Variants in MCF2 observed in about 807,000 individuals in gnomAD.
MCF2 encodes MCF.2 cell line derived transforming sequence, also known as proto-oncogene DBL.
Under a neutral mutation model 82.5 loss-of-function variants are expected in MCF2, and 44 were observed. That is an observed-to-expected ratio of 0.53 (90% CI 0.42 to 0.69). The LOEUF is 0.69. Among genes scored for constraint, MCF2 ranks in the 30% least tolerant of loss-of-function variants. The pLI is 0.00. For synonymous variants in MCF2, 217 were observed against 224.9 expected (o/e 0.96, Z 0.32); for missense variants, 623 against 663.1 (o/e 0.94, Z 0.66).
At chrX:139,613,626 CAAG>C (rs1301204812) in intron 10 of MCF2, among the ~76,000 whole-genome samples, 1 of 111,362 alleles carries the variant, frequency 9.0e-6, no homozygotes, top group African/African-American at 3.3e-5. Flanking sequence ...GTGAACTGTT[CAAG>C]GACACACAGC....
intron 11 of MCF2, 42 bp from the exon 16 acceptor site, chrX:139,607,821 G>T: frequency 1.1e-6 from 1 of 928,935 alleles, no homozygotes. Context: ...ACCTCTGTAG[G>T]TATAATTTTT....
chrX:139,666,025 A>G (rs1934510540), intron 1 of MCF2, among the ~76,000 whole-genome samples: 3 of 104,202 alleles, frequency 2.9e-5, no homozygotes, highest in Admixed American at 2.1e-4. Context: ...ATATTTTGAT[A>G]CAGGCATACA....
intron 15 of MCF2, among the ~76,000 whole-genome samples, chrX:139,603,272 C>T (rs1240601835): frequency 2.7e-5 from 3 of 112,508 alleles, no homozygotes; most frequent in Non-Finnish European, 5.6e-5. Flanking sequence ...CATCAATAAA[C>T]ATTTATTAAA....
intron 3 of MCF2, among the ~76,000 whole-genome samples, chrX:139,630,316 T>C (rs1182069814): frequency 9.0e-6 from 1 of 111,588 alleles, no homozygotes; most frequent in Non-Finnish European, 1.9e-5. Context: ...AAGGTGATAA[T>C]TGAAGGAAAC....
intron 23 of MCF2, among the ~76,000 whole-genome samples, chrX:139,585,679 G>A (rs1367142230): frequency 1.8e-5 from 2 of 111,493 alleles, no homozygotes; most frequent in African/African-American, 3.3e-5. Context: ...ACAGCACTTC[G>A]TACTTCCCTG....
intron 1 of MCF2, among the ~76,000 whole-genome samples, chrX:139,689,513 A>G (rs2148573929): frequency 9.1e-6 from 1 of 109,695 alleles, no homozygotes; most frequent in East Asian, 2.9e-4. Context: ...ACCACTCAAC[A>G]TGCCTTACGA....
In MCF2 at chrX:139,584,128, C is replaced by CTTTT. The variant is rs1163854425; in HGVS notation, c.2745+934_2745+937dup. On this transcript the variant is annotated intron_variant, in intron 24 of 24. Transcript: ENST00000370576. ...CTTTGTGATTATCCATGCCATTATC[C>CTTTT]TTTTTTTTTTTTTTTTTTTTTTTTG... 2.6e-3 allele frequency among the ~76,000 whole-genome samples: 188 copies of CTTTT among 72,602 alleles called. 3 individuals carry two copies. The highest frequency in any genetic ancestry group is 9.0e-3 in the African/African-American group (159 of 17,674). The allele number at this position is 72,602 out of a possible 115,157, so 63.0% of individuals were successfully genotyped here.
At chrX:139,590,001 T>C in intron 19 of MCF2, 74 bp from the exon 24 acceptor site, 2 of 606,840 alleles carry the variant, frequency 3.3e-6, no homozygotes, top group South Asian at 6.2e-5. Context: ...TACCCTATCA[T>C]ATTCTAAGTG....
intron 11 of MCF2, among the ~76,000 whole-genome samples, chrX:139,609,759 G>C (rs1161746558): frequency 9.0e-6 from 1 of 110,996 alleles, no homozygotes; most frequent in Non-Finnish European, 1.9e-5. Flanking sequence ...CCAGGAATTA[G>C]AGGCAGCAGT....
intron 2 of MCF2, among the ~76,000 whole-genome samples, chrX:139,631,828 G>C (rs958991473): frequency 9.0e-6 from 1 of 111,481 alleles, no homozygotes; most frequent in Non-Finnish European, 1.9e-5. Context: ...CAAAGAAAAG[G>C]ACTTTATGTA....
chrX:139,620,797 A>T (rs1461847798), intron 6 of MCF2, among the ~76,000 whole-genome samples: 2 of 111,795 alleles, frequency 1.8e-5, no homozygotes, highest in Non-Finnish European at 3.8e-5. Context: ...TGTCCAAAAT[A>T]ATCTGCCAAT....
chrX:139,690,441 G>C (rs1246706315), intron 1 of MCF2, among the ~76,000 whole-genome samples: 5 of 102,117 alleles, frequency 4.9e-5, no homozygotes, highest in African/African-American at 1.8e-4. Context: ...GTTTCAGCAA[G>C]ATTTTTTTTT....
At chrX:139,615,050 A>G in exon 10 of MCF2, 1 of 1,194,515 alleles carries the variant, frequency 8.4e-7, no homozygotes, top group Non-Finnish European at 1.1e-6. Flanking sequence ...TCTTCATTTG[A>G]ACCTGCGAGT....
At chrX:139,651,720 C>T in exon 2 of MCF2, 1 of 1,148,627 alleles carries the variant, frequency 8.7e-7, no homozygotes, top group Non-Finnish European at 1.2e-6. Context: ...GTTTGCTTAC[C>T]AGACAAGAAG....
At chrX:139,641,756 G>C (rs1234124146) in intron 1 of MCF2, among the ~76,000 whole-genome samples, 1 of 111,376 alleles carries the variant, frequency 9.0e-6, no homozygotes, top group East Asian at 2.8e-4. Context: ...TACATCTAAA[G>C]ATCACATTAG....
chrX:139,670,546 G>A (rs1934654760), intron 1 of MCF2, among the ~76,000 whole-genome samples: 1 of 110,066 alleles, frequency 9.1e-6, no homozygotes, highest in Non-Finnish European at 1.9e-5. Flanking sequence ...CCCACCTATG[G>A]GTCAGAACAG....
At position 139,619,566 on chromosome X, in the gene MCF2, A is replaced by T. The variant is rs375113858; in HGVS notation, c.807+21T>A. ...ACTATTATACTGTATAATATAGCAG[A>T]CATCTAAAATACAATCTTACCTGAG... On this transcript the variant is annotated intron_variant, in intron 7 of 24. Coordinates refer to ENST00000370576, the Ensembl canonical transcript of MCF2. The T allele has an allele frequency of 2.0e-4, 222 of 1,111,155 alleles. No individual in the cohort carries two copies. In the African/African-American group the frequency reaches 3.7e-3, roughly 18 times the overall value. 91.6% of individuals were successfully genotyped at this position (1,111,155 alleles called of 1,213,427 possible).
intron 1 of MCF2, among the ~76,000 whole-genome samples, chrX:139,690,589 T>C: frequency 9.1e-6 from 1 of 110,288 alleles, no homozygotes; most frequent in African/African-American, 3.3e-5. Flanking sequence ...GACCAAAGAG[T>C]TCTGTGTGAT....
chrX:139,661,474 C>A (rs752395244), intron 1 of MCF2, among the ~76,000 whole-genome samples: 79 of 111,530 alleles, frequency 7.1e-4, no homozygotes, highest in Non-Finnish European at 1.3e-3. Flanking sequence ...TAACCTCAGG[C>A]AATTCACTGA....
Sources: gnomAD v4.1 joint callset for allele counts (sites outside exome capture counted in the v4.1 genomes callset) on GRCh38, gnomAD v4.1.1 for gene constraint, MANE v1.5 for transcripts, NCBI Gene and HGNC (gene_info 2026-07-23, HGNC 2026-07-21) for gene names.